The following N4BP2L1 variants were observed in gnomAD, a reference collection of about 807,000 sequenced individuals.
N4BP2L1 encodes the protein NEDD4 binding protein 2 like 1, also known as NEDD4-binding protein 2-like 1.
A neutral mutation model predicts 21.2 loss-of-function variants in N4BP2L1; 12 were observed. The observed-to-expected ratio is 0.57, with a 90% CI of 0.36 to 0.92. The LOEUF (loss-of-function observed/expected upper bound fraction) is 0.92. Ranked by LOEUF, N4BP2L1 falls within the 40% of genes least tolerant of loss-of-function variation. N4BP2L1 has a pLI of 0.01. For missense variants in N4BP2L1, 259 were observed against 310.6 expected (o/e 0.83, Z 1.25); for synonymous variants, 104 against 112.8 (o/e 0.92, Z 0.49).
chr13:32,409,615 T>C (rs1256257875), intron 1 of N4BP2L1, among the ~76,000 whole-genome samples: 1 of 152,212 alleles, frequency 6.6e-6, no homozygotes, highest in African/African-American at 2.4e-5. Context: ...GAGTCAGACC[T>C]GGCACAGCCA....
intron 3 of N4BP2L1, among the ~76,000 whole-genome samples, chr13:32,405,007 T>C (rs1296547195): frequency 1.3e-5 from 2 of 152,178 alleles, no homozygotes; most frequent in Non-Finnish European, 2.9e-5. Flanking sequence ...CTACTTTATC[T>C]CAAACTGAAT....
Position 32,428,036 on chromosome 13 carries a change from G to T in N4BP2L1, c.47C>A (p.Pro16His). 6.5e-7 allele frequency: 1 copy of T among 1,543,094 alleles called. No individual in the cohort carries two copies. The highest frequency in any genetic ancestry group is 1.2e-5 in the South Asian group (1 of 83,762). ...CCGCTGCCGCTGCTGCTGCTGCTGGGGCTGGAGGCTCAGCCTCCCAAAAGA... is the reference window on the plus strand; with the variant it reads ...CCGCTGCCGCTGCTGCTGCTGCTGGTGCTGGAGGCTCAGCCTCCCAAAAGA... ...LQSFGRLSLQPQQQQQRQRPP... is the reference protein window; with the variant it reads ...LQSFGRLSLQHQQQQQRQRPP... Residue 16 changes from proline (P) to histidine (H), a missense_variant, in exon 1 of 5, where the codon CCC becomes CAC. Pro to His is a moderately conservative substitution (Grantham distance 77, BLOSUM62 -2). Coordinates refer to ENST00000380130, the MANE Select transcript of N4BP2L1 (RefSeq NM_052818.3).
rs569768502 is a variant in N4BP2L1, at chr13:32,401,593, C to T, written c.*1349G>A. Reference sequence around the variant, plus strand: ...AAGGCTGCTTTTGTCATTACCTTTACGATTCCTATTTATTAAAAAAAAGAC... The same window carrying T: ...AAGGCTGCTTTTGTCATTACCTTTATGATTCCTATTTATTAAAAAAAAGAC... On this transcript the variant is annotated 3_prime_UTR_variant, in exon 5 of 5. Transcript: ENST00000380130. The T allele has an allele frequency of 6.6e-6, 1 of 152,394 alleles. No individual in the cohort carries two copies. Among genetic ancestry groups the T allele is most frequent in the Admixed American group, 6.6e-5 (1 of 15,264 alleles). 9.4% of individuals were successfully genotyped at this position (152,394 alleles called of 1,614,324 possible).
In N4BP2L1 at chr13:32,407,711, C is replaced by T. The variant is rs774005246; in HGVS notation, c.241G>A (p.Glu81Lys). ...GGATTGAACTCATAGGCACCATCTT[C>T]CCTGAAGAAAAAATCATCCGTGCTG... ...IFSTDDFFFR[E>K]DGAYEFNPDF... The change falls in exon 2 of 5, where the codon GAA (glutamate) becomes AAA (lysine). Residue 81 changes from glutamate to lysine, a missense_variant. Transcript: ENST00000380130. The T allele has an allele frequency of 6.2e-7, 1 of 1,609,916 alleles. No individual in the cohort carries two copies. Among genetic ancestry groups the T allele is most frequent in the South Asian group, 1.1e-5 (1 of 90,074 alleles).
chr13:32,407,220 C>A lies in N4BP2L1; in HGVS notation c.396+30G>T. On this transcript the variant is annotated intron_variant, in intron 3 of 4. Coordinates refer to ENST00000380130, the MANE Select transcript of N4BP2L1 (RefSeq NM_052818.3). ...CAACTTTCTCACAAAATGTCCATAA[C>A]TGAAAATTCAGAATGATACTTCTTC... 3 of 1,602,582 alleles carry A rather than the reference C, an allele frequency of 1.9e-6. 1 individual carries two copies. The highest frequency in any genetic ancestry group is 8.5e-7 in the Non-Finnish European group (1 of 1,169,792).
chr13:32,401,318 A>T lies in N4BP2L1; in HGVS notation c.*1624T>A, dbSNP rs1331499490. 2 of 152,208 alleles carry T rather than the reference A, an allele frequency of 1.3e-5. No homozygotes were observed. Among genetic ancestry groups the T allele is most frequent in the Non-Finnish European group, 2.9e-5 (2 of 68,044 alleles). The allele number at this position is 152,208 out of a possible 1,614,324, so 9.4% of individuals were successfully genotyped here. On this transcript the variant is annotated 3_prime_UTR_variant, in exon 5 of 5. Coordinates refer to ENST00000380130, the MANE Select transcript of N4BP2L1 (RefSeq NM_052818.3). The stretch of plus-strand genomic sequence containing the variant: ...AAATGGGAGCATTATTAAGTAGATC[A>T]TTAGGAGATTATTTTATGTTGTGCT...
chr13:32,412,395 G>A (rs1366018281), intron 1 of N4BP2L1, among the ~76,000 whole-genome samples: 1 of 152,116 alleles, frequency 6.6e-6, no homozygotes, highest in African/African-American at 2.4e-5. Context: ...GGGAGGCCAA[G>A]ACGGGCGGAT....
chr13:32,427,579 C>T (rs958317517), intron 1 of N4BP2L1, among the ~76,000 whole-genome samples: 2 of 152,186 alleles, frequency 1.3e-5, no homozygotes, highest in African/African-American at 4.8e-5. Context: ...GGGGCCGGGG[C>T]CGCTGGGGCT....
Position 32,428,058 on chromosome 13 carries a change from A to C in N4BP2L1, c.25T>G (p.Phe9Val). The C allele has an allele frequency of 6.7e-7, 1 of 1,502,186 alleles. No homozygotes were observed. Among genetic ancestry groups the C allele is most frequent in the Non-Finnish European group, 8.9e-7 (1 of 1,128,066 alleles). 93.1% of individuals were successfully genotyped at this position (1,502,186 alleles called of 1,614,324 possible). A position where few individuals can be genotyped will look rare whatever the true frequency, so the allele number is the denominator to read the frequency against. Residue 9 changes from phenylalanine (F) to valine (V), a missense_variant, in exon 1 of 5, where the codon TTT becomes GTT. By Grantham distance (50) the Phe-to-Val change is conservative. Coordinates refer to ENST00000380130, the MANE Select transcript of N4BP2L1 (RefSeq NM_052818.3). ...TGGGGCTGGAGGCTCAGCCTCCCAA[A>C]AGATTGAAGGAAACTGTCCTCCATG... is the stretch of plus-strand genomic sequence containing the variant. The part of the protein sequence containing the change: MEDSFLQS[F>V]GRLSLQPQQQ...
At chr13:32,419,454 TACAG>T (rs2074348847) in intron 1 of N4BP2L1, 1 of 330,928 alleles carries the variant, frequency 3.0e-6, no homozygotes, top group Non-Finnish European at 5.5e-6. Context: ...TTTTGTATTT[TACAG>T]ACGGGGTTTC....
chr13:32,400,779 C>T lies in N4BP2L1; in HGVS notation c.*2163G>A, dbSNP rs2073091763. ...AATCATTTAATGAGACCCTATTGCC[C>T]ATAAAGAGCATTTGCCAGTTCTATG... On this transcript the variant is annotated 3_prime_UTR_variant, in exon 5 of 5. Coordinates refer to ENST00000380130, the MANE Select transcript of N4BP2L1 (RefSeq NM_052818.3). 1 of 152,066 alleles carries T rather than the reference C, an allele frequency of 6.6e-6. No homozygotes were observed. Among genetic ancestry groups the T allele is most frequent in the South Asian group, 2.1e-4 (1 of 4,826 alleles). The allele number at this position is 152,066 out of a possible 1,614,324, so 9.4% of individuals were successfully genotyped here.
chr13:32,413,742 TC>T (rs973578047), intron 1 of N4BP2L1, among the ~76,000 whole-genome samples: 1 of 152,042 alleles, frequency 6.6e-6, no homozygotes, highest in Admixed American at 6.6e-5. Flanking sequence ...GTTCCTATAT[TC>T]CCCCATCTAC....
intron 4 of N4BP2L1, chr13:32,403,662 T>C (rs769344319): frequency 1.9e-6 from 1 of 534,230 alleles, no homozygotes; most frequent in African/African-American, 1.9e-5. Context: ...TTACCAGAGA[T>C]TCCAACTACT....
chr13:32,404,202 C>T, intron 4 of N4BP2L1, 119 bp downstream of exon 4: 1 of 1,607,366 alleles, frequency 6.2e-7, no homozygotes, highest in South Asian at 1.1e-5. Context: ...CCAAGAATTA[C>T]CATTTCTGGC....
At chr13:32,414,656 A>T (rs775595726) in intron 1 of N4BP2L1, among the ~76,000 whole-genome samples, 5 of 152,182 alleles carry the variant, frequency 3.3e-5, no homozygotes. Context: ...TTTTTAAAAG[A>T]GTACTAAGCA....
intron 3 of N4BP2L1, among the ~76,000 whole-genome samples, chr13:32,405,427 T>A (rs1359308166): frequency 6.6e-6 from 1 of 152,088 alleles, no homozygotes; most frequent in African/African-American, 2.4e-5. Context: ...CGAGAATTGC[T>A]TGAATCTAGG....
chr13:32,411,086 CTGTT>C (rs377744142), intron 1 of N4BP2L1, among the ~76,000 whole-genome samples: 8 of 152,188 alleles, frequency 5.3e-5, no homozygotes, highest in Non-Finnish European at 1.0e-4. Flanking sequence ...ATCCAATTCA[CTGTT>C]TGTTTTGTTT....
At position 32,402,297 on chromosome 13, in the gene N4BP2L1, C is replaced by T. The variant is rs1330170599; in HGVS notation, c.*645G>A. 2 of 574,496 alleles carry T rather than the reference C, an allele frequency of 3.5e-6. No homozygotes were observed. The highest frequency in any genetic ancestry group is 2.9e-4 in the East Asian group (2 of 6,930). The allele number at this position is 574,496 out of a possible 1,614,324, so 35.6% of individuals were successfully genotyped here. On this transcript the variant is annotated 3_prime_UTR_variant, in exon 5 of 5. Coordinates refer to ENST00000380130, the MANE Select transcript of N4BP2L1 (RefSeq NM_052818.3). ...ATGACACTGATTTCCCTCAGTAGCTCCTGTAGCTATTAAGGATTTGACAGC... is the reference window on the plus strand; with the variant it reads ...ATGACACTGATTTCCCTCAGTAGCTTCTGTAGCTATTAAGGATTTGACAGC...
chr13:32,428,142 C>T, upstream of N4BP2L1: 1 of 1,384,392 alleles, frequency 7.2e-7, no homozygotes, highest in Admixed American at 3.0e-5. Flanking sequence ...CGGTCTTGGC[C>T]AAAGCTGTTG....
Sources: gnomAD v4.1 joint callset for allele counts (sites outside exome capture counted in the v4.1 genomes callset) on GRCh38, gnomAD v4.1.1 for gene constraint, MANE v1.5 for transcripts, NCBI Gene and HGNC (gene_info 2026-07-23, HGNC 2026-07-21) for gene names.